RBFOX1: variants seen among roughly 807,000 people sequenced by gnomAD.
RBFOX1 encodes the protein RNA binding protein fox-1 homolog 1.
RBFOX1 carries 8 observed loss-of-function variants against 57.7 expected under a neutral mutation model. The ratio of observed to expected loss-of-function variants is 0.14; its 90% CI spans 0.08 to 0.25. The LOEUF is 0.25. Ranked by LOEUF, RBFOX1 falls within the 10% of genes least tolerant of loss-of-function variation. The pLI is 1.00. For synonymous variants in RBFOX1, 326 were observed against 222.4 expected (o/e 1.47, Z -4.15); for missense variants, 611 against 548.5 (o/e 1.11, Z -1.14).
chr16:5,391,820 G>GTA (rs1483167972), intron 1 of RBFOX1, among the ~76,000 whole-genome samples: 7 of 150,864 alleles, frequency 4.6e-5, no homozygotes, highest in Middle Eastern at 3.2e-3. Flanking sequence ...TGGTGTGTGT[G>GTA]TATATATATA....
chr16:7,408,316 G>A (rs1206613232), intron 4 of RBFOX1, among the ~76,000 whole-genome samples: 1 of 152,100 alleles, frequency 6.6e-6, no homozygotes, highest in African/African-American at 2.4e-5. Flanking sequence ...TGACAATACA[G>A]CAGAAGAACT....
At chr16:6,065,284 C>T (rs2095746654) in intron 1 of RBFOX1, among the ~76,000 whole-genome samples, 1 of 150,966 alleles carries the variant, frequency 6.6e-6, no homozygotes, top group Non-Finnish European at 1.5e-5. Flanking sequence ...ATCCTCCCAT[C>T]TTGGCCTCCC....
intron 1 of RBFOX1, chr16:6,092,692 T>C (rs1349138542): frequency 6.6e-6 from 1 of 152,192 alleles, no homozygotes; most frequent in Non-Finnish European, 1.5e-5. Flanking sequence ...GAAGATCAGA[T>C]GGTTATTGGT....
At chr16:5,511,570 C>T (rs1356171706) in intron 2 of RBFOX1, among the ~76,000 whole-genome samples, 1 of 152,100 alleles carries the variant, frequency 6.6e-6, no homozygotes, top group Admixed American at 6.5e-5. Context: ...CTCCTAGATG[C>T]CACTCAGCTC....
At chr16:6,057,422 C>T (rs1053839593) in intron 1 of RBFOX1, among the ~76,000 whole-genome samples, 1 of 152,074 alleles carries the variant, frequency 6.6e-6, no homozygotes, top group South Asian at 2.1e-4. Context: ...GCATTCTTCT[C>T]CCCACTGCTT....
intron 1 of RBFOX1, among the ~76,000 whole-genome samples, chr16:6,170,461 G>A (rs578221941): frequency 2.0e-5 from 3 of 152,262 alleles, no homozygotes; most frequent in South Asian, 4.1e-4. Flanking sequence ...TCTGAGCCCC[G>A]TGGATGCATT....
chr16:7,365,485 T>C (rs2097424662), intron 4 of RBFOX1, among the ~76,000 whole-genome samples: 2 of 152,350 alleles, frequency 1.3e-5, no homozygotes, highest in South Asian at 2.1e-4. Flanking sequence ...AGGAGTGATT[T>C]TTTTCCCCCC....
At chr16:5,436,211 C>G (rs890558064) in intron 1 of RBFOX1, among the ~76,000 whole-genome samples, 2 of 152,158 alleles carry the variant, frequency 1.3e-5, no homozygotes, top group African/African-American at 4.8e-5. Flanking sequence ...TAGGAGGCCT[C>G]AAAAGGGGGC....
chr16:5,537,691 G>T (rs2044754236), intron 2 of RBFOX1, among the ~76,000 whole-genome samples: 1 of 152,164 alleles, frequency 6.6e-6, no homozygotes, highest in African/African-American at 2.4e-5. Context: ...AGCCAATGAT[G>T]GCTGGTTGAA....
Position 7,594,977 on chromosome 16 carries a change from T to A in RBFOX1, c.469-572T>A, listed in dbSNP as rs1319915162. Among the ~76,000 whole-genome samples the A allele has an allele frequency of 2.0e-5, 3 of 152,286 alleles. No homozygotes were observed. The East Asian group carries it at 5.8e-4, about 29-fold the overall frequency. ...GATTTATTATAAAAAAGGTCTTTCC[T>A]TTTTTAGGCTTTTAAGTTTTATTTT... On this transcript the variant is annotated intron_variant, in intron 7 of 15. Coordinates refer to ENST00000550418, the MANE Select transcript of RBFOX1 (RefSeq NM_018723.4).
chr16:7,334,064 T>C (rs2096740699), intron 4 of RBFOX1, among the ~76,000 whole-genome samples: 1 of 152,184 alleles, frequency 6.6e-6, no homozygotes, highest in Non-Finnish European at 1.5e-5. Context: ...TTAAAAACTA[T>C]ATGATACCCT....
At chr16:6,274,382 C>CTGT (rs2075567183) in intron 1 of RBFOX1, among the ~76,000 whole-genome samples, 1 of 152,176 alleles carries the variant, frequency 6.6e-6, no homozygotes, top group Admixed American at 6.5e-5. Flanking sequence ...AAGGAGTGGA[C>CTGT]TGTTGATAAA....
chr16:6,912,937 G>T (rs2072080982), intron 3 of RBFOX1, among the ~76,000 whole-genome samples: 1 of 151,956 alleles, frequency 6.6e-6, no homozygotes, highest in African/African-American at 2.4e-5. Flanking sequence ...CCTTGTTTTT[G>T]GTCCTCAGGG....
chr16:6,587,819 T>G (rs1423576453), intron 2 of RBFOX1, among the ~76,000 whole-genome samples: 1 of 152,244 alleles, frequency 6.6e-6, no homozygotes, highest in Non-Finnish European at 1.5e-5. Flanking sequence ...ATTAACATTT[T>G]GTGACATTTA....
intron 1 of RBFOX1, among the ~76,000 whole-genome samples, chr16:6,302,282 C>G (rs1430196548): frequency 2.6e-5 from 4 of 152,006 alleles, no homozygotes; most frequent in Non-Finnish European, 5.9e-5. Context: ...TCCTTTCTCC[C>G]ACACGGAGAT....
intron 1 of RBFOX1, among the ~76,000 whole-genome samples, chr16:6,098,317 C>G (rs952798870): frequency 6.6e-6 from 1 of 152,162 alleles, no homozygotes; most frequent in African/African-American, 2.4e-5. Flanking sequence ...AGAATAGAAA[C>G]GCCACCGCCT....
intron 4 of RBFOX1, among the ~76,000 whole-genome samples, chr16:7,467,829 C>T (rs1299300119): frequency 6.6e-6 from 1 of 152,180 alleles, no homozygotes; most frequent in Non-Finnish European, 1.5e-5. Context: ...CAGAGTCCTT[C>T]TTTGTTTCCT....
rs565697550 is a variant in RBFOX1, at chr16:5,606,785, C to T, written c.318+7824C>T. Among the ~76,000 whole-genome samples the T allele has an allele frequency of 3.9e-5, 6 of 152,076 alleles. No individual in the cohort carries two copies. The South Asian group carries it at 1.0e-3, about 26-fold the overall frequency. The stretch of plus-strand genomic sequence containing the variant: ...AGAGTCTTGAAGGACAAGTGGGAGT[C>T]GTAACACTGATTGCAGGAGATGGGG... On this transcript the variant is annotated intron_variant, in intron 3 of 19. Transcript: ENST00000641259.
At position 6,895,795 on chromosome 16, in the gene RBFOX1, C is replaced by G. The variant is rs141160453; in HGVS notation, c.-15-156262C>G. Among the ~76,000 whole-genome samples the G allele has an allele frequency of 5.9e-5, 9 of 152,100 alleles. No homozygotes were observed. In the East Asian group the frequency reaches 1.7e-3, roughly 29 times the overall value. On this transcript the variant is annotated intron_variant, in intron 3 of 15. Transcript: ENST00000550418. Reference sequence around the variant, plus strand: ...GGTTGAAATCCCAGCTCTGCCACTTCCCGAATGTGAGACTTGAGCAATTTG... The same window carrying G: ...GGTTGAAATCCCAGCTCTGCCACTTGCCGAATGTGAGACTTGAGCAATTTG...
Sources: gnomAD v4.1 joint callset for allele counts (sites outside exome capture counted in the v4.1 genomes callset) on GRCh38, gnomAD v4.1.1 for gene constraint, MANE v1.5 for transcripts, NCBI Gene and HGNC (gene_info 2026-07-23, HGNC 2026-07-21) for gene names.